The following NCKAP5 variants were observed in gnomAD, a reference collection of about 807,000 sequenced individuals.
NCKAP5 encodes nck-associated protein 5.
In NCKAP5, 92 loss-of-function variants were observed where a neutral mutation model predicts 167.0. That is an observed-to-expected ratio of 0.55 (90% CI 0.47 to 0.66). NCKAP5 has a LOEUF of 0.66. Ranked by LOEUF, NCKAP5 falls within the 30% of genes least tolerant of loss-of-function variation. The pLI is 0.00. For missense variants in NCKAP5, 2,378 were observed against 2,315.0 expected, an observed-to-expected ratio of 1.03 and a Z score of -0.56; for synonymous variants, 891 against 877.4, an observed-to-expected ratio of 1.02 and a Z score of -0.27.
chr2:132,795,838 A>C (rs896200764), intron 12 of NCKAP5, among the ~76,000 whole-genome samples: 1 of 143,376 alleles, frequency 7.0e-6, no homozygotes, highest in African/African-American at 2.7e-5. Flanking sequence ...AAAAAAAAAA[A>C]CAAAAAAAAC....
chr2:133,042,635 AT>A (rs2079253248), intron 6 of NCKAP5, among the ~76,000 whole-genome samples: 1 of 152,146 alleles, frequency 6.6e-6, no homozygotes, highest in East Asian at 1.9e-4. Flanking sequence ...CTATAAACTG[AT>A]CTAGATGTTG....
intron 8 of NCKAP5, among the ~76,000 whole-genome samples, chr2:132,910,813 TTGG>T (rs1558931335): frequency 1.3e-5 from 2 of 152,170 alleles, no homozygotes; most frequent in Non-Finnish European, 2.9e-5. Context: ...TTGGATTGGA[TTGG>T]ATTTGGAAAT....
At chr2:133,451,885 C>T (rs1574978613) in intron 3 of NCKAP5, among the ~76,000 whole-genome samples, 1 of 152,122 alleles carries the variant, frequency 6.6e-6, no homozygotes, top group East Asian at 1.9e-4. Flanking sequence ...AAACATTTCC[C>T]TGCTTAAAAA....
At chr2:132,718,739 A>G (rs1403764682) in intron 19 of NCKAP5, among the ~76,000 whole-genome samples, 1 of 152,204 alleles carries the variant, frequency 6.6e-6, no homozygotes, top group Non-Finnish European at 1.5e-5. Context: ...ACACAAGACC[A>G]TAGTCAATGC....
At chr2:133,213,826 G>A in intron 4 of NCKAP5, 47 bp from the exon 5 acceptor site, 1 of 1,582,118 alleles carries the variant, frequency 6.3e-7, no homozygotes. Flanking sequence ...TCAGGGTAGA[G>A]GTGACACTGG....
intron 6 of NCKAP5, among the ~76,000 whole-genome samples, chr2:133,120,042 C>T (rs926192026): frequency 1.3e-5 from 2 of 152,062 alleles, no homozygotes; most frequent in South Asian, 4.1e-4. Flanking sequence ...AACACAACTG[C>T]TAAAGCGGTT....
intron 6 of NCKAP5, among the ~76,000 whole-genome samples, chr2:132,997,646 C>T (rs2077643783): frequency 1.3e-5 from 2 of 151,996 alleles, no homozygotes; most frequent in South Asian, 4.2e-4. Flanking sequence ...CCTCTTTCTA[C>T]TTGACCTTAT....
At chr2:133,536,895 G>A (rs924141523) in intron 2 of NCKAP5, among the ~76,000 whole-genome samples, 6 of 151,844 alleles carry the variant, frequency 4.0e-5, no homozygotes, top group Non-Finnish European at 5.9e-5. Context: ...CCAAGGCAGT[G>A]AAGATTTACT....
intron 8 of NCKAP5, among the ~76,000 whole-genome samples, chr2:132,886,869 A>G (rs1692265212): frequency 6.6e-6 from 1 of 152,206 alleles, no homozygotes; most frequent in African/African-American, 2.4e-5. Context: ...GAATAAAGAA[A>G]TGTGCAATAG....
chr2:133,126,334 G>A (rs2082403718), intron 6 of NCKAP5, among the ~76,000 whole-genome samples: 2 of 152,182 alleles, frequency 1.3e-5, no homozygotes, highest in African/African-American at 2.4e-5. Flanking sequence ...CCAGGCGTCA[G>A]CATCTTATGC....
At chr2:132,890,351 G>T (rs1692594706) in intron 8 of NCKAP5, among the ~76,000 whole-genome samples, 1 of 152,112 alleles carries the variant, frequency 6.6e-6, no homozygotes, top group Non-Finnish European at 1.5e-5. Flanking sequence ...ACCTGCAGGA[G>T]CTATGCTAGG....
chr2:133,562,878 G>A (rs1016914232), intron 1 of NCKAP5, among the ~76,000 whole-genome samples: 1 of 152,204 alleles, frequency 6.6e-6, no homozygotes, highest in African/African-American at 2.4e-5. Context: ...TTGTAAATGT[G>A]TGGGTAATGT....
At chr2:132,849,239 C>T (rs35569730) in intron 11 of NCKAP5, among the ~76,000 whole-genome samples, 2 of 145,134 alleles carry the variant, frequency 1.4e-5, no homozygotes, top group Non-Finnish European at 2.9e-5. Flanking sequence ...CCAGCCATGG[C>T]TCCCCCTCTT....
intron 6 of NCKAP5, among the ~76,000 whole-genome samples, chr2:133,055,316 G>A (rs1240152261): frequency 6.6e-6 from 1 of 152,030 alleles, no homozygotes; most frequent in Admixed American, 6.6e-5. Context: ...GTTCCTGGAA[G>A]AGAAGTAGGA....
At chr2:133,266,671 T>G (rs2089244417) in intron 4 of NCKAP5, among the ~76,000 whole-genome samples, 1 of 152,140 alleles carries the variant, frequency 6.6e-6, no homozygotes, top group Non-Finnish European at 1.5e-5. Flanking sequence ...GGAGGCAGCC[T>G]GGGCCACGCG....
chr2:132,963,962 G>C (rs2076591219), intron 7 of NCKAP5, 93 bp from the exon 8 acceptor site: 1 of 1,398,060 alleles, frequency 7.2e-7, no homozygotes, highest in Non-Finnish European at 9.9e-7. Flanking sequence ...TCTCCTGCGT[G>C]TGCATTCTTC....
intron 8 of NCKAP5, among the ~76,000 whole-genome samples, chr2:132,897,076 TGACAGA>T (rs1251493233): frequency 6.6e-6 from 1 of 152,214 alleles, no homozygotes; most frequent in Admixed American, 6.5e-5. Context: ...TAGTTTGAGG[TGACAGA>T]GGATGAAATT....
intron 3 of NCKAP5, among the ~76,000 whole-genome samples, chr2:133,307,314 T>C (rs1680848255): frequency 6.6e-6 from 1 of 152,156 alleles, no homozygotes; most frequent in South Asian, 2.1e-4. Flanking sequence ...TATCAGTTTG[T>C]CAAACAATGA....
intron 19 of NCKAP5, among the ~76,000 whole-genome samples, chr2:132,699,480 T>G (rs1421544963): frequency 6.6e-6 from 1 of 150,508 alleles, no homozygotes; most frequent in East Asian, 2.0e-4. Context: ...CCCTCCCCAC[T>G]CCCCCCTCCC....
Sources: gnomAD v4.1 joint callset for allele counts (sites outside exome capture counted in the v4.1 genomes callset) on GRCh38, gnomAD v4.1.1 for gene constraint, MANE v1.5 for transcripts, NCBI Gene and HGNC (gene_info 2026-07-23, HGNC 2026-07-21) for gene names.